The following COL4A5 variants were observed in gnomAD, a reference collection of about 807,000 sequenced individuals.
COL4A5 encodes collagen type IV alpha 5 chain.
COL4A5 carries 26 observed loss-of-function variants against 130.2 expected under a neutral mutation model. The ratio of observed to expected loss-of-function variants is 0.20; its 90% CI spans 0.15 to 0.28. The LOEUF is 0.28. Ranked by LOEUF, COL4A5 falls within the 10% of genes least tolerant of loss-of-function variation. The pLI is 1.00. For missense variants in COL4A5, 1,131 were observed against 1,344.3 expected (o/e 0.84, Z 2.48); for synonymous variants, 496 against 439.6 (o/e 1.13, Z -1.60).
Position 108,580,692 on chromosome X carries a change from G to C in COL4A5, c.845G>C (p.Gly282Ala). Residue 282 changes from glycine to alanine, a missense_variant, in exon 15 of 53, where the codon GGT becomes GCT. By Grantham distance (60) the Gly-to-Ala change is moderately conservative. Transcript: ENST00000328300. ...PGIRGPPGPP[G>A]GEKGEKGEQG... ...TTTTTATGTGTACAGGGTCCCCCAG[G>C]TGGTGAGAAAGGTGAGAAGGGTGAG... 2 of 1,210,909 alleles carry C rather than the reference G, an allele frequency of 1.7e-6. No homozygotes were observed. The highest frequency in any genetic ancestry group is 2.2e-6 in the Non-Finnish European group (2 of 894,814).
At chrX:108,545,254 A>T (rs1473037651) in intron 2 of COL4A5, among the ~76,000 whole-genome samples, 8 of 111,414 alleles carry the variant, frequency 7.2e-5, no homozygotes, top group African/African-American at 2.6e-4. Flanking sequence ...TTAGTGCTGT[A>T]AGTTTCCCTC....
intron 15 of COL4A5, 86 bp downstream of exon 15, chrX:108,580,824 A>G: frequency 1.0e-6 from 1 of 1,003,500 alleles, no homozygotes; most frequent in South Asian, 1.9e-5. Context: ...TACATCTTCC[A>G]TTGTTTCAAA....
chrX:108,483,203 ATGTGTGTGTGTGTGTGTGTATGTG>A (rs1291791973), intron 1 of COL4A5, among the ~76,000 whole-genome samples: 47 of 99,297 alleles, frequency 4.7e-4, no homozygotes, highest in Non-Finnish European at 9.6e-4. Context: ...CTAATAGGAT[ATGTGTGTGTGTGTGTGTGTATGTG>A]TGTGTGTGTG....
intron 32 of COL4A5, among the ~76,000 whole-genome samples, chrX:108,622,339 G>A (rs2067071968): frequency 9.0e-6 from 1 of 111,145 alleles, no homozygotes; most frequent in African/African-American, 3.3e-5. Context: ...CACCATGTTA[G>A]CAAGGATGGT....
chrX:108,544,156 G>A (rs1306759231), intron 2 of COL4A5, among the ~76,000 whole-genome samples: 1 of 111,940 alleles, frequency 8.9e-6, no homozygotes, highest in Non-Finnish European at 1.9e-5. Flanking sequence ...TTGAATAGGA[G>A]TGGTGAGAGA....
intron 6 of COL4A5, 63 bp downstream of exon 6, chrX:108,568,884 G>T (rs1301790231): frequency 5.1e-6 from 5 of 977,957 alleles, no homozygotes; most frequent in Admixed American, 4.4e-5. Flanking sequence ...AAAACCTAAA[G>T]AAATCAATAT....
chrX:108,450,352 C>A (rs963169481), intron 1 of COL4A5, among the ~76,000 whole-genome samples: 4 of 111,694 alleles, frequency 3.6e-5, no homozygotes, highest in Admixed American at 2.9e-4. Flanking sequence ...CTTCAGCCCC[C>A]CAAAGAGCTG....
At chrX:108,650,049 A>T (rs772257250) in intron 36 of COL4A5, among the ~76,000 whole-genome samples, 38 of 110,967 alleles carry the variant, frequency 3.4e-4, no homozygotes, top group Non-Finnish European at 2.8e-4. Context: ...ACGAACTCAA[A>T]CAAATCAGTA....
At chrX:108,529,772 A>G (rs2065361154) in intron 1 of COL4A5, among the ~76,000 whole-genome samples, 1 of 110,863 alleles carries the variant, frequency 9.0e-6, no homozygotes, top group Admixed American at 9.6e-5. Flanking sequence ...ATATCAGATA[A>G]AAGAGAGTTT....
intron 1 of COL4A5, among the ~76,000 whole-genome samples, chrX:108,518,946 A>G (rs1485437494): frequency 8.9e-6 from 1 of 111,737 alleles, no homozygotes; most frequent in Non-Finnish European, 1.9e-5. Context: ...TTGAAAGCAA[A>G]TGGGAATCAG....
At chrX:108,616,223 T>TG (rs1556418682) in intron 30 of COL4A5, among the ~76,000 whole-genome samples, 6 of 110,206 alleles carry the variant, frequency 5.4e-5, no homozygotes, top group South Asian at 7.8e-4. Context: ...CTGTTTTTTT[T>TG]TTGTTGTTGT....
chrX:108,563,754 G>A, intron 3 of COL4A5, 128 bp from the exon 4 acceptor site: 1 of 526,807 alleles, frequency 1.9e-6, no homozygotes, highest in South Asian at 3.1e-5. Context: ...TTCTTCCTTG[G>A]GTGTATAAGT....
chrX:108,638,722 A>G (rs1430302607), intron 36 of COL4A5, among the ~76,000 whole-genome samples: 1 of 112,296 alleles, frequency 8.9e-6, no homozygotes, highest in Non-Finnish European at 1.9e-5. Context: ...CAAATTCAGC[A>G]AAGATTCAGG....
chrX:108,670,780 G>A (rs1400394453), intron 42 of COL4A5: 4 of 303,134 alleles, frequency 1.3e-5, no homozygotes, highest in African/African-American at 2.7e-5. Context: ...CATGGCTCAT[G>A]ACTGTAATCC....
chrX:108,611,619 C>T (rs73528333), intron 29 of COL4A5, among the ~76,000 whole-genome samples: 11,631 of 110,680 alleles, frequency 0.11, 1,299 homozygotes, highest in African/African-American at 0.34. Context: ...AAGAAATAGG[C>T]AATCCAGGAA....
intron 1 of COL4A5, among the ~76,000 whole-genome samples, chrX:108,531,603 A>T (rs900212147): frequency 2.7e-5 from 3 of 110,660 alleles, no homozygotes; most frequent in East Asian, 5.7e-4. Context: ...AATAGCAAAG[A>T]TCAGAGCAGA....
intron 36 of COL4A5, among the ~76,000 whole-genome samples, chrX:108,640,143 G>A (rs982892691): frequency 1.8e-5 from 2 of 112,092 alleles, no homozygotes; most frequent in Non-Finnish European, 3.8e-5. Context: ...CATCCCAAAT[G>A]TCCATTGATA....
intron 1 of COL4A5, among the ~76,000 whole-genome samples, chrX:108,526,587 CCCTCCCTCCTTTCTTTCTTTCTTTCTTT>C (rs1231399875): frequency 3.3e-5 from 2 of 60,515 alleles, no homozygotes; most frequent in African/African-American, 1.7e-4. Context: ...CTCCCTCCCT[CCCTCCCTCCTTTCTTTCTTTCTTTCTTT>C]CTTTCTTTCT....
chrX:108,564,505 A>G (rs1320825116), intron 4 of COL4A5, among the ~76,000 whole-genome samples: 1 of 112,284 alleles, frequency 8.9e-6, no homozygotes, highest in Non-Finnish European at 1.9e-5. Flanking sequence ...TGAAATGTAC[A>G]TTTAGTATAA....
Sources: gnomAD v4.1 joint callset for allele counts (sites outside exome capture counted in the v4.1 genomes callset) on GRCh38, gnomAD v4.1.1 for gene constraint, MANE v1.5 for transcripts, NCBI Gene and HGNC (gene_info 2026-07-23, HGNC 2026-07-21) for gene names.